The following FHIT variants were observed in gnomAD, a reference collection of about 807,000 sequenced individuals.
The protein encoded by FHIT is bis(5'-adenosyl)-triphosphatase.
A neutral mutation model predicts 17.9 loss-of-function variants in FHIT; 19 were observed. The observed-to-expected ratio is 1.06, with a 90% CI of 0.74 to 1.56. The LOEUF is 1.56. FHIT is among the 40% of genes most tolerant of loss of function. The pLI is 0.00. For missense variants in FHIT, 248 were observed against 189.2 expected (o/e 1.31, Z -1.82); for synonymous variants, 81 against 69.7 (o/e 1.16, Z -0.81).
intron 2 of FHIT, among the ~76,000 whole-genome samples, chr3:61,142,122 AT>A (rs200645377): frequency 5.3e-5 from 8 of 149,698 alleles, no homozygotes; most frequent in Non-Finnish European, 7.5e-5. Flanking sequence ...CTTAAAAAAA[AT>A]TTTTTTTTTA....
chr3:60,152,477 G>A (rs1700509609), intron 5 of FHIT, among the ~76,000 whole-genome samples: 1 of 152,206 alleles, frequency 6.6e-6, no homozygotes, highest in South Asian at 2.1e-4. Context: ...CAAGAGATCA[G>A]GGTATGAATA....
chr3:60,516,267 T>C (rs757437761), intron 5 of FHIT, among the ~76,000 whole-genome samples: 19 of 152,212 alleles, frequency 1.2e-4, no homozygotes, highest in Non-Finnish European at 2.8e-4. Flanking sequence ...GTTAATGTAA[T>C]ATTTTAATAA....
intron 2 of FHIT, among the ~76,000 whole-genome samples, chr3:61,062,860 G>A (rs542830817): frequency 6.6e-6 from 1 of 152,252 alleles, no homozygotes; most frequent in South Asian, 2.1e-4. Context: ...AGCTCCACGG[G>A]ATACATAGTT....
intron 2 of FHIT, among the ~76,000 whole-genome samples, chr3:61,196,970 G>T (rs1255084495): frequency 6.6e-6 from 1 of 152,156 alleles, no homozygotes; most frequent in African/African-American, 2.4e-5. Context: ...CTGCGATAGA[G>T]GTTAGGCCCA....
intron 2 of FHIT, among the ~76,000 whole-genome samples, chr3:61,063,020 G>T (rs1171417649): frequency 6.6e-6 from 1 of 151,998 alleles, no homozygotes; most frequent in Non-Finnish European, 1.5e-5. Context: ...TAAGTGTTGG[G>T]AGTCCGAGGT....
At chr3:60,722,231 T>TA (rs2041823104) in intron 4 of FHIT, among the ~76,000 whole-genome samples, 1 of 152,188 alleles carries the variant, frequency 6.6e-6, no homozygotes, top group African/African-American at 2.4e-5. Flanking sequence ...TCAGGGCAAT[T>TA]ATATTCAAAG....
chr3:60,614,809 G>GTTTTTTTTTTTTTTTTTT (rs147892145), intron 4 of FHIT, among the ~76,000 whole-genome samples: 3 of 78,224 alleles, frequency 3.8e-5, no homozygotes, highest in African/African-American at 4.9e-5. Flanking sequence ...TGCAAAAGTT[G>GTTTTTTTTTTTTTTTTTT]TTTTTTTTTT....
At chr3:59,785,301 T>G (rs1575489948) in intron 8 of FHIT, among the ~76,000 whole-genome samples, 1 of 128,006 alleles carries the variant, frequency 7.8e-6, no homozygotes, top group Admixed American at 9.9e-5. Context: ...TGATTAGTGA[T>G]GCAATCTTGC....
At chr3:60,153,367 A>C (rs1700550333) in intron 5 of FHIT, among the ~76,000 whole-genome samples, 2 of 33,016 alleles carry the variant, frequency 6.1e-5, no homozygotes, top group African/African-American at 2.0e-4. Flanking sequence ...TTCACCAGAA[A>C]AAAAAAAAAA....
At chr3:60,268,290 T>C (rs9839805) in intron 5 of FHIT, among the ~76,000 whole-genome samples, 1 of 152,078 alleles carries the variant, frequency 6.6e-6, no homozygotes, top group South Asian at 2.1e-4. Context: ...TTGGGATAAT[T>C]TGCAATTTTC....
At chr3:60,752,271 T>C (rs1310163451) in intron 4 of FHIT, among the ~76,000 whole-genome samples, 1 of 152,186 alleles carries the variant, frequency 6.6e-6, no homozygotes, top group Non-Finnish European at 1.5e-5. Flanking sequence ...AAAGAAAGCA[T>C]ACTTCAGGAA....
At chr3:60,378,185 C>T (rs1300819311) in intron 5 of FHIT, among the ~76,000 whole-genome samples, 2 of 151,646 alleles carry the variant, frequency 1.3e-5, no homozygotes, top group African/African-American at 4.8e-5. Context: ...TGCCACTATG[C>T]CCGGCTAATT....
At chr3:60,758,669 A>G (rs1314266179) in intron 4 of FHIT, among the ~76,000 whole-genome samples, 1 of 152,138 alleles carries the variant, frequency 6.6e-6, no homozygotes, top group African/African-American at 2.4e-5. Context: ...TTAGATGTAC[A>G]TTTCTCATTC....
chr3:59,759,272 G>A (rs992777130), intron 8 of FHIT, among the ~76,000 whole-genome samples: 5 of 142,242 alleles, frequency 3.5e-5, no homozygotes, highest in Admixed American at 3.5e-4. Flanking sequence ...TTTTTGGTGT[G>A]ATGAGAAGAT....
intron 2 of FHIT, among the ~76,000 whole-genome samples, chr3:61,185,138 G>A (rs1325707675): frequency 6.6e-6 from 1 of 152,170 alleles, no homozygotes; most frequent in Non-Finnish European, 1.5e-5. Context: ...TGTAGCATAT[G>A]TTCATAAGCT....
chr3:60,296,921 C>CA lies in FHIT; in HGVS notation c.103+239938dup, dbSNP rs34680230. The stretch of plus-strand genomic sequence containing the variant: ...TAACTGAATTGCTTTTTTATTTTTG[C>CA]AAAAAAAAAAAAAAAAAGACCAGTG... On this transcript the variant is annotated intron_variant, in intron 5 of 9. Coordinates refer to ENST00000492590, the MANE Select transcript of FHIT (RefSeq NM_002012.4). Among the ~76,000 whole-genome samples the CA allele has an allele frequency of 9.5e-3, 1,094 of 115,218 alleles. 8 individuals are homozygous for CA. The highest frequency in any genetic ancestry group is 0.012 in the Admixed American group (138 of 11,970). 75.6% of individuals were successfully genotyped at this position (115,218 alleles called of 152,430 possible). A position where few individuals can be genotyped will look rare whatever the true frequency, so the allele number is the denominator to read the frequency against.
chr3:60,711,522 T>A (rs1553705127), intron 4 of FHIT, among the ~76,000 whole-genome samples: 1 of 152,064 alleles, frequency 6.6e-6, no homozygotes, highest in Non-Finnish European at 1.5e-5. Flanking sequence ...AGTTGAAAAC[T>A]TTGAAAAAAA....
intron 2 of FHIT, among the ~76,000 whole-genome samples, chr3:61,188,122 G>C (rs367557251): frequency 3.3e-5 from 5 of 151,898 alleles, no homozygotes; most frequent in African/African-American, 1.2e-4. Context: ...AAAACCCTTC[G>C]AAAAATTAAT....
At position 59,937,747 on chromosome 3, in the gene FHIT, C is replaced by G. The variant is rs540864365; in HGVS notation, c.280-15333G>C. Among the ~76,000 whole-genome samples the G allele has an allele frequency of 2.4e-4, 36 of 152,284 alleles. No homozygotes were observed. In the South Asian group the frequency reaches 6.2e-3, roughly 26 times the overall value. On this transcript the variant is annotated intron_variant, in intron 7 of 9. Transcript: ENST00000492590. Reference sequence around the variant, plus strand: ...TAAGATTTTTCATCATTCAATATTGCTATTTTCACATGTGACTTCAACAAA... The same window carrying G: ...TAAGATTTTTCATCATTCAATATTGGTATTTTCACATGTGACTTCAACAAA...
Sources: gnomAD v4.1 joint callset for allele counts (sites outside exome capture counted in the v4.1 genomes callset) on GRCh38, gnomAD v4.1.1 for gene constraint, MANE v1.5 for transcripts, NCBI Gene and HGNC (gene_info 2026-07-23, HGNC 2026-07-21) for gene names.